The following NIPA2 variants were observed in gnomAD, a reference collection of about 807,000 sequenced individuals.
The protein encoded by NIPA2 is magnesium transporter NIPA2.
In NIPA2, 11 loss-of-function variants were observed where a neutral mutation model predicts 29.7. That is an observed-to-expected ratio of 0.37 (90% confidence interval 0.23 to 0.61). The LOEUF (loss-of-function observed/expected upper bound fraction) is 0.61, where lower values mean the gene tolerates loss of function less well. Among genes scored for constraint, NIPA2 ranks in the 20% least tolerant of loss-of-function variants. The pLI is 0.66. For synonymous variants in NIPA2, 183 were observed against 161.9 expected (o/e 1.13, Z -0.99); for missense variants, 426 against 437.9 (o/e 0.97, Z 0.24).
At chr15:22,864,250 G>T (rs1326307733) in intron 7 of NIPA2, among the ~76,000 whole-genome samples, 1 of 152,000 alleles carries the variant, frequency 6.6e-6, no homozygotes, top group African/African-American at 2.4e-5. Context: ...CCCCTCCCGG[G>T]TTCACGCCAT....
chr15:22,846,453 A>G (rs943686898), intron 3 of NIPA2, among the ~76,000 whole-genome samples: 16 of 152,198 alleles, frequency 1.1e-4, no homozygotes, highest in African/African-American at 3.6e-4. Flanking sequence ...GAAAGTTAAC[A>G]TTAAGTGTTA....
intron 3 of NIPA2, among the ~76,000 whole-genome samples, chr15:22,845,535 T>C (rs1198775490): frequency 1.3e-5 from 2 of 152,204 alleles, no homozygotes; most frequent in African/African-American, 2.4e-5. Context: ...TTAAGGAACT[T>C]AAAGAGTTTA....
At position 22,846,728 on chromosome 15, in the gene NIPA2, A is replaced by G. The variant is rs1445660727; in HGVS notation, c.-94+1461A>G. On this transcript the variant is annotated intron_variant, in intron 3 of 7. Coordinates refer to ENST00000337451, the MANE Select transcript of NIPA2 (RefSeq NM_030922.7). ...CTACTTGAGAGGCTGAGGTGGGAGG[A>G]TCACTTGAGCCTGGGAAGTCGAGGT... Among the ~76,000 whole-genome samples, 8 of 151,558 alleles carry G rather than the reference A, an allele frequency of 5.3e-5. No homozygotes were observed. In the South Asian group the frequency reaches 1.2e-3, roughly 24 times the overall value.
chr15:22,864,312 G>A (rs766504882), intron 7 of NIPA2, among the ~76,000 whole-genome samples: 26 of 152,042 alleles, frequency 1.7e-4, no homozygotes, highest in Non-Finnish European at 2.8e-4. Context: ...CCACCACCAG[G>A]CCTGGCTAAT....
At position 22,866,993 on chromosome 15, in the gene NIPA2, C is replaced by G; in HGVS notation, c.*146C>G. 1 of 747,828 alleles carries G rather than the reference C, an allele frequency of 1.3e-6. No individual in the cohort carries two copies. The highest frequency in any genetic ancestry group is 2.1e-6 in the Non-Finnish European group (1 of 480,006). The allele number at this position is 747,828 out of a possible 1,614,324, so 46.3% of individuals were successfully genotyped here. On this transcript the variant is annotated 3_prime_UTR_variant, in exon 8 of 8. Transcript: ENST00000337451. ...TTCACTAATTTGGACCAAGAAATTA[C>G]TTTTCTTGTATTTAAACAAACAATG...
At position 22,853,277 on chromosome 15, in the gene NIPA2, A is replaced by G. The variant is rs1388732561; in HGVS notation, c.196+9A>G. 1 of 1,585,842 alleles carries G rather than the reference A, an allele frequency of 6.3e-7. No individual in the cohort carries two copies. The stretch of plus-strand genomic sequence containing the variant: ...GGCTGGACTGCTGTCAAGTATGTAT[A>G]AAGAACATTGCAAGAAAAATATGAT... On this transcript the variant is annotated intron_variant, in intron 5 of 7. Transcript: ENST00000337451.
intron 7 of NIPA2, among the ~76,000 whole-genome samples, chr15:22,862,969 A>ATGGCTCACTGCATCCTC (rs1197146424): frequency 7.3e-6 from 1 of 136,092 alleles, no homozygotes; most frequent in African/African-American, 2.8e-5. Flanking sequence ...TGGTGTGATC[A>ATGGCTCACTGCATCCTC]TGGCTCACTG....
chr15:22,860,757 T>C lies in NIPA2; in HGVS notation c.416T>C (p.Leu139Ser), dbSNP rs2058562212. The part of the protein sequence containing the change: ...HAPKEEEIET[L>S]NEMSHKLGDP... ...CCAAAGGAAGAGGAGATTGAGACTT[T>C]AAATGAAATGTCTCACAAGCTAGGT... The change falls in exon 7 of 8, where the codon TTA (leucine) becomes TCA (serine). Residue 139 changes from leucine to serine, a missense_variant. Physicochemically the swap from Leu to Ser is moderately radical, Grantham distance 145. Around this residue, in one of 3 missense-constraint regions of NIPA2, gnomAD observed 357 missense variants for 339.8 expected, o/e 1.05. Coordinates refer to ENST00000337451, the MANE Select transcript of NIPA2 (RefSeq NM_030922.7). 2 of 1,599,978 alleles carry C rather than the reference T, an allele frequency of 1.3e-6. No individual in the cohort carries two copies. Among genetic ancestry groups the C allele is most frequent in the Non-Finnish European group, 1.7e-6 (2 of 1,176,078 alleles).
chr15:22,867,447 G>A lies in NIPA2; in HGVS notation c.*600G>A, dbSNP rs555003094. 3.4e-5 allele frequency: 12 copies of A among 353,072 alleles called. No individual in the cohort carries two copies. In the South Asian group the frequency reaches 9.1e-4, roughly 27 times the overall value. The allele number at this position is 353,072 out of a possible 1,614,324, so 21.9% of individuals were successfully genotyped here. A position where few individuals can be genotyped will look rare whatever the true frequency, so the allele number is the denominator to read the frequency against. ...GATTTCTCAGGTTGAGATGATCACC[G>A]TGAATCCGGCTTCCTCTGAGCATTC... is the stretch of plus-strand genomic sequence containing the variant. On this transcript the variant is annotated 3_prime_UTR_variant, in exon 8 of 8. Coordinates refer to ENST00000337451, the MANE Select transcript of NIPA2 (RefSeq NM_030922.7).
At chr15:22,862,839 A>C (rs1407552604) in intron 7 of NIPA2, among the ~76,000 whole-genome samples, 1 of 150,492 alleles carries the variant, frequency 6.6e-6, no homozygotes, top group Non-Finnish European at 1.5e-5. Flanking sequence ...GCTCACCTTC[A>C]CCCTGAAGGT....
chr15:22,861,003 C>T (rs776201500), intron 7 of NIPA2, among the ~76,000 whole-genome samples: 1 of 152,156 alleles, frequency 6.6e-6, no homozygotes, highest in Non-Finnish European at 1.5e-5. Flanking sequence ...TATATTGCTA[C>T]TACTTACTTC....
chr15:22,866,337 T>C lies in NIPA2; in HGVS notation c.573T>C (p.Phe191=), dbSNP rs1356235089. ...YITICSVIGA[F]SVSCVKGLGI... ...CAATCTGCTCTGTAATCGGCGCGTT[T>C]TCAGTCTCCTGTGTGAAGGGCCTGG... The change falls in exon 8 of 8, where the codon TTT becomes TTC. Residue 191 remains phenylalanine, a synonymous_variant. Transcript: ENST00000337451. 3 of 1,614,008 alleles carry C rather than the reference T, an allele frequency of 1.9e-6. No homozygotes were observed. In the African/African-American group the frequency reaches 4.0e-5, roughly 22 times the overall value.
At chr15:22,854,892 C>T in intron 5 of NIPA2, among the ~76,000 whole-genome samples, 1 of 152,096 alleles carries the variant, frequency 6.6e-6, no homozygotes, top group Non-Finnish European at 1.5e-5. Context: ...CTTTTTTTTA[C>T]CCATCTGATT....
At chr15:22,856,343 TAGA>T (rs1326559222) in intron 5 of NIPA2, among the ~76,000 whole-genome samples, 4 of 151,956 alleles carry the variant, frequency 2.6e-5, no homozygotes, top group African/African-American at 9.7e-5. Context: ...TTAAAAAAAA[TAGA>T]AGATTGTGTA....
rs775259727 is a variant in NIPA2, at chr15:22,866,812, G to C, written c.1048G>C (p.Val350Leu). ...AATCGAACAACACACTGGTGAAAAT[G>C]TCTCCCGAAGAAATGGAAATCTGAC... ...CGIEQHTGENVSRRNGNLTAF is the reference protein window; with the variant it reads ...CGIEQHTGENLSRRNGNLTAF Residue 350 changes from valine (V) to leucine (L), a missense_variant, in exon 8 of 8, where the codon GTC (valine) becomes CTC (leucine). This residue lies in a region of NIPA2 where 357 missense variants were observed against 339.8 expected (regional missense o/e 1.05). Transcript: ENST00000337451. 6 of 1,599,698 alleles carry C rather than the reference G, an allele frequency of 3.8e-6. No individual in the cohort carries two copies. Among genetic ancestry groups the C allele is most frequent in the Non-Finnish European group, 5.1e-6 (6 of 1,172,352 alleles).
chr15:22,848,913 C>T (rs2057496149), intron 3 of NIPA2, among the ~76,000 whole-genome samples: 2 of 149,920 alleles, frequency 1.3e-5, no homozygotes, highest in South Asian at 4.2e-4. Flanking sequence ...TTTGAGACTA[C>T]CAGATAGCTA....
At chr15:22,840,932 G>C (rs1230201605) in intron 2 of NIPA2, among the ~76,000 whole-genome samples, 1 of 143,462 alleles carries the variant, frequency 7.0e-6, no homozygotes, top group Non-Finnish European at 1.5e-5. Flanking sequence ...GATGGTGTAA[G>C]CTTCATTTAA....
intron 3 of NIPA2, among the ~76,000 whole-genome samples, chr15:22,847,524 G>A (rs1899120572): frequency 6.6e-6 from 1 of 151,920 alleles, no homozygotes; most frequent in South Asian, 2.1e-4. Flanking sequence ...GAATGCAGTG[G>A]GGTGATCTCG....
chr15:22,858,298 G>A (rs1409659838), intron 5 of NIPA2, among the ~76,000 whole-genome samples: 1 of 152,140 alleles, frequency 6.6e-6, no homozygotes, highest in Non-Finnish European at 1.5e-5. Flanking sequence ...GGAGGCTGAG[G>A]CAGGAGAATG....
Sources: allele counts gnomAD v4.1 joint callset (sites outside exome capture counted in the v4.1 genomes callset), GRCh38; gene constraint gnomAD v4.1.1; regional missense constraint gnomAD v4.1.1; transcripts MANE v1.5; gene names NCBI Gene and HGNC (gene_info 2026-07-23, HGNC 2026-07-21).